IL1RL2: variants seen among roughly 807,000 people sequenced by gnomAD.
IL1RL2 encodes the protein interleukin-1 receptor-like 2.
IL1RL2 carries 68 observed loss-of-function variants against 66.8 expected under a neutral mutation model. The observed-to-expected ratio is 1.02, with a 90% confidence interval of 0.84 to 1.25. IL1RL2 has a LOEUF of 1.25. IL1RL2 is among the 50% of genes most tolerant of loss of function. IL1RL2 has a pLI of 0.00. For missense variants in IL1RL2, 729 were observed against 709.3 expected, an observed-to-expected ratio of 1.03 and a Z score of -0.32; for synonymous variants, 305 against 264.6, an observed-to-expected ratio of 1.15 and a Z score of -1.48.
intron 6 of IL1RL2, among the ~76,000 whole-genome samples, chr2:102,214,665 A>G (rs1689448399): frequency 6.6e-6 from 1 of 152,202 alleles, no homozygotes; most frequent in Non-Finnish European, 1.5e-5. Context: ...AAATTACCAA[A>G]TATCCTAAAA....
At chr2:102,239,141 C>T (rs1383590724) in intron 11 of IL1RL2, 51 bp from the exon 12 acceptor site, 2 of 1,556,388 alleles carry the variant, frequency 1.3e-6, no homozygotes, top group Non-Finnish European at 1.8e-6. Flanking sequence ...TTATCAGCCC[C>T]CATCTCCCAC....
intron 8 of IL1RL2, among the ~76,000 whole-genome samples, chr2:102,225,204 A>G (rs1690493816): frequency 6.6e-6 from 1 of 152,212 alleles, no homozygotes; most frequent in African/African-American, 2.4e-5. Context: ...CTCCTTGGCC[A>G]TCTCCTGCCC....
downstream of IL1RL2, among the ~76,000 whole-genome samples, chr2:102,242,387 T>C (rs1675251675): frequency 6.6e-6 from 1 of 152,144 alleles, no homozygotes; most frequent in Non-Finnish European, 1.5e-5. Context: ...TATACAAAAT[T>C]AAGAACTGTC....
intron 8 of IL1RL2, among the ~76,000 whole-genome samples, chr2:102,224,991 G>A (rs1690474931): frequency 6.6e-6 from 1 of 152,180 alleles, no homozygotes. Context: ...GAAGAAGGAA[G>A]TGGTGTGTGA....
At chr2:102,192,480 C>A (rs1292977316) in intron 4 of IL1RL2, among the ~76,000 whole-genome samples, 1 of 152,198 alleles carries the variant, frequency 6.6e-6, no homozygotes, top group African/African-American at 2.4e-5. Flanking sequence ...AAACCTCTTT[C>A]CTGCTACCGT....
chr2:102,219,216 A>G, intron 7 of IL1RL2, 134 bp downstream of exon 7: 1 of 966,486 alleles, frequency 1.0e-6, no homozygotes, highest in Non-Finnish European at 1.6e-6. Context: ...CACCTATCAC[A>G]TAGTTAGGGA....
At chr2:102,214,791 G>T (rs1039518392) in intron 6 of IL1RL2, among the ~76,000 whole-genome samples, 1 of 152,150 alleles carries the variant, frequency 6.6e-6, no homozygotes, top group Non-Finnish European at 1.5e-5. Context: ...ATATTATAAA[G>T]ATAGAGATTA....
At chr2:102,203,496 T>G (rs1559537970) in intron 5 of IL1RL2, among the ~76,000 whole-genome samples, 1 of 151,326 alleles carries the variant, frequency 6.6e-6, no homozygotes, top group Non-Finnish European at 1.5e-5. Flanking sequence ...TTGTTAGAAT[T>G]CAGTGGTGAA....
At chr2:102,202,738 C>G (rs546234489) in intron 5 of IL1RL2, among the ~76,000 whole-genome samples, 1 of 152,240 alleles carries the variant, frequency 6.6e-6, no homozygotes, top group South Asian at 2.1e-4. Context: ...GATTTTGTAT[C>G]CAGCAACTTC....
intron 8 of IL1RL2, among the ~76,000 whole-genome samples, chr2:102,223,295 T>C (rs1922293): frequency 0.28 from 42,613 of 152,096 alleles, 6,604 homozygotes; most frequent in East Asian, 0.38. Flanking sequence ...GACTTCCTTA[T>C]GTTTGTTAAA....
intron 6 of IL1RL2, among the ~76,000 whole-genome samples, chr2:102,215,196 A>G (rs909121590): frequency 6.6e-6 from 1 of 152,174 alleles, no homozygotes; most frequent in Non-Finnish European, 1.5e-5. Context: ...TCTCATGGCT[A>G]TATTGCTCCA....
intron 8 of IL1RL2, 133 bp downstream of exon 8, chr2:102,220,150 A>G: frequency 1.4e-6 from 1 of 704,032 alleles, no homozygotes; most frequent in East Asian, 2.8e-5. Context: ...ACTCAGTATG[A>G]AATCTAGGGA....
chr2:102,197,790 G>A (rs1402766214), intron 4 of IL1RL2, among the ~76,000 whole-genome samples: 3 of 152,194 alleles, frequency 2.0e-5, no homozygotes, highest in African/African-American at 7.2e-5. Context: ...TTGTTGGGGT[G>A]GCTCTTCCTG....
At chr2:102,202,136 A>G (rs1039672636) in intron 5 of IL1RL2, among the ~76,000 whole-genome samples, 2 of 152,074 alleles carry the variant, frequency 1.3e-5, no homozygotes, top group African/African-American at 4.8e-5. Context: ...CGCAGAGCTC[A>G]GAGTTCTGGA....
chr2:102,188,754 T>C (rs1244104988), intron 2 of IL1RL2, among the ~76,000 whole-genome samples: 2 of 151,898 alleles, frequency 1.3e-5, no homozygotes, highest in Non-Finnish European at 1.5e-5. Flanking sequence ...ATTTACTCTG[T>C]AGGTGAGTAC....
Position 102,233,085 on chromosome 2 carries a change from A to C in IL1RL2, c.1258A>C (p.Lys420Gln). 1 of 1,613,898 alleles carries C rather than the reference A, an allele frequency of 6.2e-7. No homozygotes were observed. The highest frequency in any genetic ancestry group is 8.5e-7 in the Non-Finnish European group (1 of 1,179,814). ...GGTGTTGGAGAGACAATGTGGATAT[A>C]AGTTGTTTATATTCGGCAGAGATGA... Reference protein sequence around the residue: ...PEVLERQCGYKLFIFGRDEFP... With the variant: ...PEVLERQCGYQLFIFGRDEFP... The change falls in exon 10 of 12, where the codon AAG becomes CAG. Residue 420 changes from lysine (K) to glutamine (Q), a missense_variant. Lys to Gln is a moderately conservative substitution (Grantham distance 53). Transcript: ENST00000264257.
intron 6 of IL1RL2, among the ~76,000 whole-genome samples, chr2:102,216,337 G>A (rs1689609563): frequency 6.6e-6 from 1 of 152,000 alleles, no homozygotes. Context: ...TTAACTTGAA[G>A]TCTATTTTAT....
chr2:102,219,365 A>C (rs149450083), intron 7 of IL1RL2, among the ~76,000 whole-genome samples: 34 of 152,360 alleles, frequency 2.2e-4, no homozygotes, highest in African/African-American at 7.9e-4. Context: ...CATACAAAGC[A>C]AACACTGGAA....
At position 102,215,681 on chromosome 2, in the gene IL1RL2, C is replaced by A. The variant is rs147911882; in HGVS notation, c.725-3272C>A. 3.6e-3 allele frequency among the ~76,000 whole-genome samples: 543 copies of A among 152,144 alleles called. 2 individuals carry two copies. Among genetic ancestry groups the A allele is most frequent in the Admixed American group, 5.9e-3 (90 of 15,284 alleles). On this transcript the variant is annotated intron_variant, in intron 6 of 11. Transcript: ENST00000264257. ...TTGGCCTGAGAACCAACATGGTAGC[C>A]CAGCACCCTGCAAAGCCATGCCACT...
Sources: allele counts gnomAD v4.1 joint callset (sites outside exome capture counted in the v4.1 genomes callset), GRCh38; gene constraint gnomAD v4.1.1; transcripts MANE v1.5; gene names NCBI Gene and HGNC (gene_info 2026-07-23, HGNC 2026-07-21).